Variants in DHRS9 observed in about 807,000 individuals in gnomAD.
DHRS9 encodes dehydrogenase/reductase SDR family member 9.
In DHRS9, 18 loss-of-function variants were observed where a neutral mutation model predicts 26.6. That is an observed-to-expected ratio of 0.68 (90% CI 0.47 to 1.00). The LOEUF (loss-of-function observed/expected upper bound fraction) is 1.00. Among genes scored for constraint, DHRS9 ranks in the 50% least tolerant of loss-of-function variants. The pLI, the probability that DHRS9 is intolerant of heterozygous loss-of-function variation, is 0.00. For synonymous variants in DHRS9, 134 were observed against 141.1 expected (o/e 0.95, Z 0.36); for missense variants, 425 against 378.7 (o/e 1.12, Z -1.01).
chr2:169,095,301 C>A (rs761098370), intron 4 of DHRS9, among the ~76,000 whole-genome samples: 2 of 152,122 alleles, frequency 1.3e-5, no homozygotes. Flanking sequence ...AACCGAGAAA[C>A]CTGGGTTTTA....
At chr2:169,093,342 A>ACACACACG (rs994015460) in intron 4 of DHRS9, among the ~76,000 whole-genome samples, 2 of 151,052 alleles carry the variant, frequency 1.3e-5, no homozygotes, top group African/African-American at 4.9e-5. Context: ...ACACACACAC[A>ACACACACG]CGCACACACA....
upstream of DHRS9, chr2:169,067,224 G>A (rs749424230): frequency 9.4e-5 from 144 of 1,535,534 alleles, no homozygotes; most frequent in Non-Finnish European, 1.2e-4. Context: ...GAGTGACACT[G>A]GATATACTCC....
rs541068065 is a variant in DHRS9 at position 169,092,780 on chromosome 2, A to G, written c.736+827A>G. Among the ~76,000 whole-genome samples the G allele has an allele frequency of 7.9e-4, 121 of 152,344 alleles. 4 individuals carry two copies. The highest frequency in any genetic ancestry group is 7.7e-3 in the South Asian group (37 of 4,834). On this transcript the variant is annotated intron_variant, in intron 4 of 4. Transcript: ENST00000674881. Reference sequence around the variant, plus strand: ...GAATAATAATAAAGATGACATAATGACAACTAACAAATAGTAAATATTTAC... The same window carrying G: ...GAATAATAATAAAGATGACATAATGGCAACTAACAAATAGTAAATATTTAC...
chr2:169,093,589 C>T (rs183009570), intron 4 of DHRS9, among the ~76,000 whole-genome samples: 43 of 152,036 alleles, frequency 2.8e-4, no homozygotes, highest in African/African-American at 8.0e-4. Context: ...ATATTGATAC[C>T]GATACTTTTT....
rs377512407 is a variant in DHRS9 at position 169,079,914 on chromosome 2, G to A, written c.-59-1609G>A. Among the ~76,000 whole-genome samples, 42 of 44,834 alleles carry A rather than the reference G, an allele frequency of 9.4e-4. 1 individual carries two copies. The highest frequency in any genetic ancestry group is 6.0e-3 in the African/African-American group (37 of 6,132). 29.4% of individuals were successfully genotyped at this position (44,834 alleles called of 152,430 possible). On this transcript the variant is annotated intron_variant, in intron 1 of 4. Coordinates refer to ENST00000674881, the MANE Select transcript of DHRS9 (RefSeq NM_001376924.1). Reference sequence around the variant, plus strand: ...GAGAGAGAGGGAGGGAGGGAGGGAGGGAGGGGGAGAGAGAGAGAGAGAGAG... The same window carrying A: ...GAGAGAGAGGGAGGGAGGGAGGGAGAGAGGGGGAGAGAGAGAGAGAGAGAG...
At chr2:169,086,264 G>A (rs1684347105) in intron 3 of DHRS9, among the ~76,000 whole-genome samples, 3 of 151,910 alleles carry the variant, frequency 2.0e-5, no homozygotes, top group African/African-American at 4.8e-5. Context: ...AATTCTGCTG[G>A]TAAGAGACTG....
At chr2:169,086,736 G>A (rs1056947420) in intron 3 of DHRS9, among the ~76,000 whole-genome samples, 11 of 152,148 alleles carry the variant, frequency 7.2e-5, no homozygotes, top group South Asian at 2.1e-4. Flanking sequence ...CAGTAAGACC[G>A]TGCCTCTTGT....
At chr2:169,068,175 T>G (rs1484028076), upstream of DHRS9, among the ~76,000 whole-genome samples, 3 of 152,246 alleles carry the variant, frequency 2.0e-5, no homozygotes, top group African/African-American at 4.8e-5. Context: ...ATTAATTATT[T>G]ATACCTTACT....
intron 1 of DHRS9, chr2:169,081,219 C>A: frequency 1.1e-6 from 1 of 949,874 alleles, no homozygotes; most frequent in Middle Eastern, 4.6e-4. Flanking sequence ...AATACCATCA[C>A]TCCACATAGC....
At chr2:169,074,001 G>A (rs981524684) in intron 1 of DHRS9, among the ~76,000 whole-genome samples, 4 of 152,104 alleles carry the variant, frequency 2.6e-5, no homozygotes, top group African/African-American at 9.7e-5. Context: ...AGAGAGTAGA[G>A]GCCAGAGATG....
chr2:169,074,066 C>A (rs1166469608), intron 1 of DHRS9, among the ~76,000 whole-genome samples: 1 of 151,946 alleles, frequency 6.6e-6, no homozygotes, highest in Non-Finnish European at 1.5e-5. Flanking sequence ...ATTACCTGGC[C>A]CAAAATATCA....
rs1224851652 is a variant in DHRS9, at chr2:169,077,088, G to A, written c.-59-4435G>A. Among the ~76,000 whole-genome samples the A allele has an allele frequency of 2.0e-5, 3 of 152,068 alleles. No homozygotes were observed. The East Asian group carries it at 5.8e-4, about 29-fold the overall frequency. Reference sequence around the variant, plus strand: ...ATCCAGGCAGTTTGGATCCAATATGGGATCCAACAGCCCACGTTGTTCAGA... The same window carrying A: ...ATCCAGGCAGTTTGGATCCAATATGAGATCCAACAGCCCACGTTGTTCAGA... On this transcript the variant is annotated intron_variant, in intron 1 of 4. Coordinates refer to ENST00000674881, the MANE Select transcript of DHRS9 (RefSeq NM_001376924.1).
chr2:169,079,890 AGAGAGAGG>A (rs1558951386), intron 1 of DHRS9, among the ~76,000 whole-genome samples: 2 of 98,180 alleles, frequency 2.0e-5, no homozygotes, highest in Non-Finnish European at 3.9e-5. Flanking sequence ...AGAAAGAGAG[AGAGAGAGG>A]GAGGGAGGGA....
chr2:169,092,393 AG>A (rs1195498412), intron 4 of DHRS9, among the ~76,000 whole-genome samples: 1 of 152,248 alleles, frequency 6.6e-6, no homozygotes, highest in Non-Finnish European at 1.5e-5. Context: ...TGGTTACAAA[AG>A]ATGGAAAAGG....
chr2:169,087,819 TC>T (rs1445733362), intron 3 of DHRS9, among the ~76,000 whole-genome samples: 1 of 152,164 alleles, frequency 6.6e-6, no homozygotes, highest in East Asian at 1.9e-4. Flanking sequence ...GCCTCAGGAC[TC>T]TACCTGGTGC....
chr2:169,081,293 T>C, intron 1 of DHRS9: 1 of 825,142 alleles, frequency 1.2e-6, no homozygotes, highest in Non-Finnish European at 1.7e-6. Context: ...TCTCCCTCTC[T>C]TCCATTTAAT....
At chr2:169,079,920 GGAGAGAGAGAGAGAGAGAGAGA>G (rs1200500362) in intron 1 of DHRS9, among the ~76,000 whole-genome samples, 7 of 10,316 alleles carry the variant, frequency 6.8e-4, no homozygotes, top group Admixed American at 1.2e-3. Context: ...GGAGGGAGGG[GGAGAGAGAGAGAGAGAGAGAGA>G]GAGAGAGAGA....
At chr2:169,089,028 C>A (rs1462196362) in intron 3 of DHRS9, among the ~76,000 whole-genome samples, 1 of 152,210 alleles carries the variant, frequency 6.6e-6, no homozygotes, top group African/African-American at 2.4e-5. Context: ...ACCATCAGTT[C>A]AAATCCCCTA....
At position 169,073,292 on chromosome 2, in the gene DHRS9, G is replaced by C. The variant is rs147195551; in HGVS notation, c.-60+3575G>C. On this transcript the variant is annotated intron_variant, in intron 1 of 4. Transcript: ENST00000674881. ...GGAATTGCCACTACAACTGTAGCTG[G>C]AGCCAATTAAACAGAGCTTCTGAAT... 6.8e-3 allele frequency among the ~76,000 whole-genome samples: 1,032 copies of C among 152,300 alleles called. 7 individuals are homozygous for C. Among genetic ancestry groups the C allele is most frequent in the Middle Eastern group, 0.027 (8 of 294 alleles).
Sources: allele counts gnomAD v4.1 joint callset (sites outside exome capture counted in the v4.1 genomes callset), GRCh38; gene constraint gnomAD v4.1.1; transcripts MANE v1.5; gene names NCBI Gene and HGNC (gene_info 2026-07-23, HGNC 2026-07-21).